Variants in IFNG-AS1 observed in about 807,000 individuals in gnomAD.
IFNG-AS1 encodes the protein IFNG antisense RNA 1 (non-protein coding).
chr12:68,015,946 G>C (rs1031951742), intron 3 of IFNG-AS1, among the ~76,000 whole-genome samples: 7 of 151,388 alleles, frequency 4.6e-5, no homozygotes, highest in Admixed American at 3.9e-4. Flanking sequence ...CTAGAGACGG[G>C]GGGGGGAAAA....
At chr12:68,013,079 A>G (rs553396989) in intron 3 of IFNG-AS1, among the ~76,000 whole-genome samples, 1 of 152,388 alleles carries the variant, frequency 6.6e-6, no homozygotes, top group Admixed American at 6.5e-5. Flanking sequence ...GCTCACTGCA[A>G]TACAGAAGCT....
At chr12:67,999,813 T>G (rs1336449749) in intron 2 of IFNG-AS1, among the ~76,000 whole-genome samples, 1 of 152,194 alleles carries the variant, frequency 6.6e-6, no homozygotes, top group African/African-American at 2.4e-5. Context: ...TACGAAGTCC[T>G]TATTAAATAC....
chr12:68,020,546 G>A (rs1374988759), intron 4 of IFNG-AS1: 6 of 152,152 alleles, frequency 3.9e-5, no homozygotes, highest in Non-Finnish European at 8.8e-5. Context: ...GGTGGATTAA[G>A]CTAAGAATTT....
chr12:68,009,781 C>T (rs1297804953), intron 3 of IFNG-AS1, among the ~76,000 whole-genome samples: 6 of 152,196 alleles, frequency 3.9e-5, no homozygotes, highest in Admixed American at 3.9e-4. Flanking sequence ...GCTCCCCAAT[C>T]CCTAGGCTTT....
chr12:67,999,971 T>C (rs1006312409), intron 2 of IFNG-AS1, among the ~76,000 whole-genome samples: 6 of 152,196 alleles, frequency 3.9e-5, no homozygotes, highest in Admixed American at 2.6e-4. Flanking sequence ...ATCGCTTCTG[T>C]GGTAGTCTTA....
At chr12:68,017,292 G>C (rs1027719608) in intron 3 of IFNG-AS1, among the ~76,000 whole-genome samples, 1 of 152,164 alleles carries the variant, frequency 6.6e-6, no homozygotes, top group Non-Finnish European at 1.5e-5. Context: ...CGTAAACCAT[G>C]GTGAAGGTTT....
chr12:68,001,170 T>G (rs1879759436), intron 2 of IFNG-AS1, among the ~76,000 whole-genome samples: 1 of 152,200 alleles, frequency 6.6e-6, no homozygotes, highest in South Asian at 2.1e-4. Context: ...TTTCAATAAC[T>G]TGCTAATCAT....
At chr12:68,021,057 C>T (rs1181797791) in intron 4 of IFNG-AS1, 1 of 152,164 alleles carries the variant, frequency 6.6e-6, no homozygotes, top group Non-Finnish European at 1.5e-5. Flanking sequence ...TCCTAAGTGG[C>T]ACATCCCTTT....
chr12:68,010,755 G>A (rs1880008225), intron 3 of IFNG-AS1, among the ~76,000 whole-genome samples: 1 of 152,118 alleles, frequency 6.6e-6, no homozygotes, highest in Non-Finnish European at 1.5e-5. Flanking sequence ...TATTAGGGAA[G>A]TGAGAGAAAA....
rs140302438 is a variant in IFNG-AS1, at chr12:68,000,621, G to A, written n.184+4548G>A. ...CAGGAGTTTCAGACTGCAGTGAGCT[G>A]TGATTGCACTAACGCACTCCAGACT... On this transcript the variant is annotated intron_variant and non_coding_transcript_variant, in intron 2 of 5. Transcript: ENST00000536914. Among the ~76,000 whole-genome samples, 871 of 152,216 alleles carry A rather than the reference G, an allele frequency of 5.7e-3. 12 individuals are homozygous for A. Among genetic ancestry groups the A allele is most frequent in the Admixed American group, 0.029 (446 of 15,296 alleles).
Position 67,998,442 on chromosome 12 carries a change from A to G in IFNG-AS1, n.184+2369A>G, listed in dbSNP as rs556045036. On this transcript the variant is annotated intron_variant and non_coding_transcript_variant, in intron 2 of 5. Transcript: ENST00000536914. ...AACTTCTATGAAAGAGAGACCAAAA[A>G]AAAAAGAAAAAGAAAAAGAAAGAAA... Among the ~76,000 whole-genome samples the G allele has an allele frequency of 3.8e-4, 58 of 151,892 alleles. 1 individual carries two copies. Among genetic ancestry groups the G allele is most frequent in the African/African-American group, 1.3e-3 (56 of 41,524 alleles).
intron 3 of IFNG-AS1, among the ~76,000 whole-genome samples, chr12:68,017,647 C>T (rs889741393): frequency 1.3e-5 from 2 of 152,126 alleles, no homozygotes; most frequent in Non-Finnish European, 2.9e-5. Context: ...GCACTAAATC[C>T]CTCTCTGGGG....
chr12:68,007,963 T>C (rs1360788261), intron 3 of IFNG-AS1, among the ~76,000 whole-genome samples: 1 of 152,238 alleles, frequency 6.6e-6, no homozygotes, highest in Admixed American at 6.5e-5. Flanking sequence ...ATTGTTGAGC[T>C]ATAGCTTCTT....
intron 3 of IFNG-AS1, among the ~76,000 whole-genome samples, chr12:68,017,059 A>T (rs1229567393): frequency 6.6e-6 from 1 of 152,152 alleles, no homozygotes; most frequent in East Asian, 1.9e-4. Flanking sequence ...GACAGAAGGG[A>T]CCTTTTGTCA....
intron 3 of IFNG-AS1, among the ~76,000 whole-genome samples, chr12:68,012,157 G>A (rs1376296024): frequency 6.6e-6 from 1 of 152,174 alleles, no homozygotes; most frequent in African/African-American, 2.4e-5. Context: ...GCGGTTTACA[G>A]GTTGTTTTGT....
At chr12:68,005,373 C>T (rs541906775) in intron 2 of IFNG-AS1, among the ~76,000 whole-genome samples, 14 of 152,246 alleles carry the variant, frequency 9.2e-5, no homozygotes, top group East Asian at 5.8e-4. Flanking sequence ...TGTAGAAATG[C>T]GCACACACAT....
intron 3 of IFNG-AS1, among the ~76,000 whole-genome samples, chr12:68,018,786 AT>A (rs145826038): frequency 1.1e-3 from 29 of 27,324 alleles, no homozygotes; most frequent in African/African-American, 1.2e-3. Context: ...TTATATATAT[AT>A]TTTTTTTTAT....
chr12:68,017,781 T>C (rs958920489), intron 3 of IFNG-AS1, among the ~76,000 whole-genome samples: 2 of 152,172 alleles, frequency 1.3e-5, no homozygotes, highest in Non-Finnish European at 2.9e-5. Flanking sequence ...GGCTAGTCAT[T>C]ATATCTTTCT....
chr12:68,003,420 C>CT (rs1879820192), intron 2 of IFNG-AS1, among the ~76,000 whole-genome samples: 1 of 124,924 alleles, frequency 8.0e-6, no homozygotes, highest in East Asian at 3.4e-4. Context: ...TAATCATATT[C>CT]CCCCCTTTTT....
Sources: gnomAD v4.1 joint callset for allele counts (sites outside exome capture counted in the v4.1 genomes callset) on GRCh38, gnomAD v4.1.1 for gene constraint, MANE v1.5 for transcripts, NCBI Gene and HGNC (gene_info 2026-07-23, HGNC 2026-07-21) for gene names.